The following NR2F1-AS1 variants were observed in gnomAD, a reference collection of about 807,000 sequenced individuals.
NR2F1-AS1 encodes NR2F1 antisense RNA 1.
intron 4 of NR2F1-AS1, among the ~76,000 whole-genome samples, chr5:93,549,803 T>G (rs556405865): frequency 6.6e-6 from 1 of 152,304 alleles, no homozygotes; most frequent in South Asian, 2.1e-4. Flanking sequence ...GATGGGTTCA[T>G]GTCCTTTGCA....
chr5:93,537,035 G>A lies in NR2F1-AS1; in HGVS notation n.638+16726C>T, dbSNP rs563953255. Among the ~76,000 whole-genome samples, 12 of 152,270 alleles carry A rather than the reference G, an allele frequency of 7.9e-5. No individual in the cohort carries two copies. The South Asian group carries it at 1.5e-3, about 18-fold the overall frequency. On this transcript the variant is annotated intron_variant and non_coding_transcript_variant, in intron 4 of 5. Coordinates refer to ENST00000660523, the Ensembl canonical transcript of NR2F1-AS1. ...CTTTCGCTATGATTGTGAGGCCTCCGCAGCCATGTGGAACTGTAAGTCCAA... is the reference window on the plus strand; with the variant it reads ...CTTTCGCTATGATTGTGAGGCCTCCACAGCCATGTGGAACTGTAAGTCCAA...
chr5:93,545,518 T>G (rs771672878), intron 4 of NR2F1-AS1, among the ~76,000 whole-genome samples: 5 of 152,242 alleles, frequency 3.3e-5, no homozygotes, highest in Non-Finnish European at 7.4e-5. Flanking sequence ...CCACTATCTC[T>G]AAGGCCAAAT....
chr5:93,452,858 A>T (rs1749866319), intron 4 of NR2F1-AS1, among the ~76,000 whole-genome samples: 1 of 152,216 alleles, frequency 6.6e-6, no homozygotes, highest in Non-Finnish European at 1.5e-5. Context: ...TGCCAAAAAA[A>T]GTCCCACACA....
intron 4 of NR2F1-AS1, among the ~76,000 whole-genome samples, chr5:93,479,037 T>C (rs1750546685): frequency 6.6e-6 from 1 of 152,192 alleles, no homozygotes; most frequent in Admixed American, 6.5e-5. Flanking sequence ...CAAGTCTAGC[T>C]GAACATTTGC....
intron 4 of NR2F1-AS1, among the ~76,000 whole-genome samples, chr5:93,548,660 C>T (rs1752149469): frequency 6.6e-6 from 1 of 151,532 alleles, no homozygotes; most frequent in African/African-American, 2.4e-5. Context: ...ATCAGGAGTT[C>T]GAGACCAGCT....
intron 4 of NR2F1-AS1, among the ~76,000 whole-genome samples, chr5:93,445,687 C>T (rs555478668): frequency 1.5e-4 from 23 of 152,318 alleles, no homozygotes; most frequent in African/African-American, 5.3e-4. Flanking sequence ...GGAATCCTCC[C>T]TAACTCATTT....
chr5:93,523,997 A>G (rs1254643485), intron 4 of NR2F1-AS1, among the ~76,000 whole-genome samples: 3 of 152,240 alleles, frequency 2.0e-5, no homozygotes, highest in Admixed American at 1.3e-4. Flanking sequence ...AACTGGACAG[A>G]GAATGAGTTT....
intron 4 of NR2F1-AS1, among the ~76,000 whole-genome samples, chr5:93,536,036 T>C (rs1261303874): frequency 6.6e-6 from 1 of 152,078 alleles, no homozygotes; most frequent in African/African-American, 2.4e-5. Flanking sequence ...TGATCTTATA[T>C]ATAGAAAACC....
chr5:93,429,348 C>G (rs573870074), intron 4 of NR2F1-AS1, among the ~76,000 whole-genome samples: 16 of 152,268 alleles, frequency 1.1e-4, no homozygotes, highest in African/African-American at 3.4e-4. Flanking sequence ...ACCACAGAAG[C>G]AAGCATCCTA....
intron 4 of NR2F1-AS1, among the ~76,000 whole-genome samples, chr5:93,485,750 A>AT: frequency 6.6e-6 from 1 of 152,106 alleles, no homozygotes; most frequent in East Asian, 1.9e-4. Flanking sequence ...TGACCCAGCC[A>AT]TCCCATTACT....
chr5:93,572,912 C>T (rs1366974471), intron 1 of NR2F1-AS1, among the ~76,000 whole-genome samples: 2 of 152,214 alleles, frequency 1.3e-5, no homozygotes, highest in African/African-American at 4.8e-5. Context: ...GCCGGATCCT[C>T]CGCTTCCCGC....
chr5:93,498,393 C>T (rs1342049865), intron 4 of NR2F1-AS1, among the ~76,000 whole-genome samples: 3 of 151,912 alleles, frequency 2.0e-5, no homozygotes, highest in East Asian at 1.9e-4. Flanking sequence ...ATCAGTTTTA[C>T]CTAAGGAAAC....
intron 4 of NR2F1-AS1, among the ~76,000 whole-genome samples, chr5:93,521,060 C>T (rs6556824): frequency 2.0e-5 from 3 of 151,880 alleles, no homozygotes; most frequent in Admixed American, 6.6e-5. Context: ...CCAGAAGTAA[C>T]GCCACACACC....
intron 4 of NR2F1-AS1, among the ~76,000 whole-genome samples, chr5:93,531,900 T>A (rs987477718): frequency 1.3e-5 from 2 of 152,186 alleles, no homozygotes; most frequent in Admixed American, 1.3e-4. Context: ...TTATTTCTAT[T>A]CCTGGAATGA....
chr5:93,424,733 A>G (rs1749160010), intron 4 of NR2F1-AS1, among the ~76,000 whole-genome samples: 1 of 152,206 alleles, frequency 6.6e-6, no homozygotes, highest in Admixed American at 6.5e-5. Context: ...TTAAATATTC[A>G]TATTTTAATA....
rs886175698 is a variant in NR2F1-AS1, at chr5:93,531,113, G to T, written n.638+22648C>A. The stretch of plus-strand genomic sequence containing the variant: ...AATAAAAAACAAATACAGAAGAGAA[G>T]TCTGCTTACCAAAATACATAATGTC... On this transcript the variant is annotated intron_variant and non_coding_transcript_variant, in intron 4 of 5. Transcript: ENST00000660523. Among the ~76,000 whole-genome samples, 3 of 152,080 alleles carry T rather than the reference G, an allele frequency of 2.0e-5. No homozygotes were observed. In the South Asian group the frequency reaches 6.2e-4, roughly 31 times the overall value.
chr5:93,558,390 G>A (rs1045431216), intron 2 of NR2F1-AS1, among the ~76,000 whole-genome samples: 14 of 149,476 alleles, frequency 9.4e-5, no homozygotes, highest in Admixed American at 5.4e-4. Flanking sequence ...GTGCAATCTC[G>A]GCTCACTGCA....
At chr5:93,570,799 C>G (rs1200004891) in intron 1 of NR2F1-AS1, 6 of 152,176 alleles carry the variant, frequency 3.9e-5, no homozygotes, top group Non-Finnish European at 8.8e-5. Context: ...GCGTCGACCT[C>G]CCGGCAGCCA....
intron 4 of NR2F1-AS1, among the ~76,000 whole-genome samples, chr5:93,439,161 A>G (rs1012041876): frequency 3.9e-5 from 6 of 152,196 alleles, no homozygotes; most frequent in Non-Finnish European, 7.3e-5. Context: ...TTATTACTTT[A>G]CTCACTGCCA....
Sources: gnomAD v4.1 joint callset for allele counts (sites outside exome capture counted in the v4.1 genomes callset) on GRCh38, gnomAD v4.1.1 for gene constraint, MANE v1.5 for transcripts, NCBI Gene and HGNC (gene_info 2026-07-23, HGNC 2026-07-21) for gene names.